Variants in SLC9A2 observed in about 807,000 individuals in gnomAD.
SLC9A2 encodes sodium/hydrogen exchanger 2.
A neutral mutation model predicts 71.7 loss-of-function variants in SLC9A2; 42 were observed. That is an observed-to-expected ratio of 0.59 (90% CI 0.46 to 0.76). The LOEUF is 0.76. Ranked by LOEUF, SLC9A2 falls within the 30% of genes least tolerant of loss-of-function variation. The pLI is 0.00. For synonymous variants in SLC9A2, 396 were observed against 392.5 expected, an observed-to-expected ratio of 1.01 and a Z score of -0.10; for missense variants, 829 against 1,017.4, an observed-to-expected ratio of 0.81 and a Z score of 2.52.
intron 6 of SLC9A2, 144 bp from the exon 7 acceptor site, chr2:102,694,899 G>C: frequency 1.5e-6 from 1 of 673,698 alleles, no homozygotes; most frequent in Non-Finnish European, 2.6e-6. Flanking sequence ...AAAATGAACT[G>C]TTTTATTGCT....
At chr2:102,644,821 C>G (rs1356482790) in intron 1 of SLC9A2, among the ~76,000 whole-genome samples, 1 of 152,178 alleles carries the variant, frequency 6.6e-6, no homozygotes, top group East Asian at 1.9e-4. Context: ...AGATAAAACT[C>G]CCAACTCCCT....
At chr2:102,620,241 C>G in intron 1 of SLC9A2, 104 bp downstream of exon 1, 3 of 985,088 alleles carry the variant, frequency 3.0e-6, no homozygotes, top group Non-Finnish European at 4.4e-6. Flanking sequence ...ACCGCCTCAT[C>G]TTGAATCAGG....
At chr2:102,666,062 G>A (rs1677131703) in intron 3 of SLC9A2, among the ~76,000 whole-genome samples, 1 of 152,084 alleles carries the variant, frequency 6.6e-6, no homozygotes, top group South Asian at 2.1e-4. Flanking sequence ...TTCTGGAATG[G>A]CTTATGGATA....
intron 2 of SLC9A2, 59 bp downstream of exon 2, chr2:102,658,086 T>A: frequency 2.3e-6 from 3 of 1,316,904 alleles, no homozygotes; most frequent in Non-Finnish European, 3.2e-6. Flanking sequence ...CCACCTGCAG[T>A]GGCTCTCTGC....
At chr2:102,675,505 G>T (rs1313591750) in intron 3 of SLC9A2, among the ~76,000 whole-genome samples, 1 of 152,192 alleles carries the variant, frequency 6.6e-6, no homozygotes, top group Non-Finnish European at 1.5e-5. Flanking sequence ...GGTGAAAGCT[G>T]TAGGTCACGG....
chr2:102,644,058 G>A (rs972582968), intron 1 of SLC9A2, among the ~76,000 whole-genome samples: 15 of 152,008 alleles, frequency 9.9e-5, no homozygotes, highest in Non-Finnish European at 1.9e-4. Flanking sequence ...TGTTGAAGAT[G>A]GCCAAATAGG....
chr2:102,683,442 T>C lies in SLC9A2; in HGVS notation c.1186T>C (p.Phe396Leu), dbSNP rs1169207710. The change falls in exon 4 of 12, where the codon TTC (phenylalanine) becomes CTC (leucine). Residue 396 changes from phenylalanine (F) to leucine (L), a missense_variant. This residue lies in a region of SLC9A2 where 500 missense variants were observed against 726.3 expected (regional missense o/e 0.69). Coordinates refer to ENST00000233969, the MANE Select transcript of SLC9A2 (RefSeq NM_003048.6). ...NHEWNWAFVC[F>L]TLAFCLMWRA... ...CGAGTGGAACTGGGCCTTCGTCTGC[T>C]TCACCCTGGCCTTCTGCCTCATGTG... is the stretch of plus-strand genomic sequence containing the variant. The C allele has an allele frequency of 1.2e-6, 2 of 1,614,234 alleles. No individual in the cohort carries two copies. Among genetic ancestry groups the C allele is most frequent in the East Asian group, 4.5e-5 (2 of 44,874 alleles).
At chr2:102,678,687 G>T (rs771604033) in intron 3 of SLC9A2, among the ~76,000 whole-genome samples, 1 of 152,138 alleles carries the variant, frequency 6.6e-6, no homozygotes, top group Non-Finnish European at 1.5e-5. Flanking sequence ...GACTCTCCTG[G>T]CCATATACTT....
chr2:102,700,509 T>G (rs1445743218), intron 7 of SLC9A2, among the ~76,000 whole-genome samples: 1 of 152,096 alleles, frequency 6.6e-6, no homozygotes, highest in African/African-American at 2.4e-5. Flanking sequence ...TTTACACAAG[T>G]GAGGGCAGGA....
At chr2:102,668,257 C>T (rs1284580321) in intron 3 of SLC9A2, among the ~76,000 whole-genome samples, 1 of 152,114 alleles carries the variant, frequency 6.6e-6, no homozygotes, top group Non-Finnish European at 1.5e-5. Flanking sequence ...TATGTTTGTT[C>T]TCAGAAGTTA....
At chr2:102,675,698 A>C (rs79141376) in intron 3 of SLC9A2, among the ~76,000 whole-genome samples, 1,930 of 152,290 alleles carry the variant, frequency 0.013, 39 homozygotes, top group African/African-American at 0.044. Flanking sequence ...ACCTAGATCC[A>C]AGTCATAAAA....
intron 2 of SLC9A2, among the ~76,000 whole-genome samples, chr2:102,660,821 G>A (rs1285188911): frequency 6.6e-6 from 1 of 152,034 alleles, no homozygotes; most frequent in Non-Finnish European, 1.5e-5. Flanking sequence ...TGATGCATAC[G>A]GCAAAAACGA....
intron 1 of SLC9A2, among the ~76,000 whole-genome samples, chr2:102,647,195 C>A (rs1676744298): frequency 6.6e-6 from 1 of 152,212 alleles, no homozygotes; most frequent in Admixed American, 6.5e-5. Context: ...AACTGAACAA[C>A]TTGCTCCCAA....
Position 102,701,935 on chromosome 2 carries a change from G to A in SLC9A2, c.1749-471G>A, listed in dbSNP as rs115759094. ...AAATCAATATTAGCAAGTAGGTGAG[G>A]TGAGTTCATGATTATGGAACCCACA... On this transcript the variant is annotated intron_variant, in intron 8 of 11. Transcript: ENST00000233969. Among the ~76,000 whole-genome samples, 1,181 of 152,228 alleles carry A rather than the reference G, an allele frequency of 7.8e-3. 10 individuals carry two copies. Among genetic ancestry groups the A allele is most frequent in the African/African-American group, 0.026 (1,082 of 41,530 alleles).
Position 102,682,107 on chromosome 2 carries a change from C to CA in SLC9A2, c.1005-1153dup, listed in dbSNP as rs369412745. On this transcript the variant is annotated intron_variant, in intron 3 of 11. Coordinates refer to ENST00000233969, the MANE Select transcript of SLC9A2 (RefSeq NM_003048.6). ...ATCATGACCAGTATTCAGCTTATGG[C>CA]ATGGTTACCACTGAGTGGAAGGCAG... Among the ~76,000 whole-genome samples the CA allele has an allele frequency of 2.0e-5, 3 of 152,276 alleles. No individual in the cohort carries two copies. The East Asian group carries it at 5.8e-4, about 29-fold the overall frequency.
In SLC9A2 at chr2:102,702,359, C is replaced by A. The variant is rs780528465; in HGVS notation, c.1749-47C>A. 4.9e-6 allele frequency: 5 copies of A among 1,030,638 alleles called. No homozygotes were observed. In the Admixed American group the frequency reaches 8.6e-5, roughly 18 times the overall value. 63.8% of individuals were successfully genotyped at this position (1,030,638 alleles called of 1,614,324 possible). On this transcript the variant is annotated intron_variant, in intron 8 of 11. Coordinates refer to ENST00000233969, the MANE Select transcript of SLC9A2 (RefSeq NM_003048.6). ...TCTCTAAGGAAGAAAATCAATGATT[C>A]TAATATTTGTTGAAAGGTAAAATAT... is the stretch of plus-strand genomic sequence containing the variant.
chr2:102,641,082 C>T (rs1558704370), intron 1 of SLC9A2, among the ~76,000 whole-genome samples: 1 of 152,160 alleles, frequency 6.6e-6, no homozygotes. Flanking sequence ...TTACTACATA[C>T]TGTATGAGGT....
In SLC9A2 at chr2:102,701,083, G is replaced by A; in HGVS notation, c.1600G>A (p.Asp534Asn). ...CTTTATTTACAGGTTTAAGAAGTTT[G>A]ATGATAAATATCTGCGGAAGCTTTT... ...NFWRDKFKKF[D>N]DKYLRKLLIR... Residue 534 changes from aspartate to asparagine, a missense_variant, in exon 8 of 12, where the codon GAT (aspartate) becomes AAT (asparagine). Coordinates refer to ENST00000233969, the MANE Select transcript of SLC9A2 (RefSeq NM_003048.6). 1 of 1,600,028 alleles carries A rather than the reference G, an allele frequency of 6.2e-7. No individual in the cohort carries two copies. The highest frequency in any genetic ancestry group is 8.5e-7 in the Non-Finnish European group (1 of 1,174,070).
chr2:102,619,966 C>G lies in SLC9A2; in HGVS notation c.118C>G (p.Pro40Ala). The change falls in exon 1 of 12, where the codon CCG becomes GCG. Residue 40 changes from proline (P) to alanine (A), a missense_variant. Around this residue, in one of 3 missense-constraint regions of SLC9A2, gnomAD observed 106 missense variants for 93.5 expected, o/e 1.13. Coordinates refer to ENST00000233969, the MANE Select transcript of SLC9A2 (RefSeq NM_003048.6). This position sits in a 1 kb window ranked among gnomAD's most constrained non-coding sequence, Gnocchi z 4.3. Reference protein sequence around the residue: ...GALAETLLNAPRAMGTSSSPP... With the variant: ...GALAETLLNAARAMGTSSSPP... Reference sequence around the variant, plus strand: ...CCTGGCGGAGACCTTGCTGAACGCGCCGAGGGCCATGGGCACCAGTTCCAG... The same window carrying G: ...CCTGGCGGAGACCTTGCTGAACGCGGCGAGGGCCATGGGCACCAGTTCCAG... 1.2e-6 allele frequency: 2 copies of G among 1,613,052 alleles called. No homozygotes were observed. Among genetic ancestry groups the G allele is most frequent in the African/African-American group, 1.3e-5 (1 of 75,056 alleles).
Sources: allele counts gnomAD v4.1 joint callset (sites outside exome capture counted in the v4.1 genomes callset), GRCh38; gene constraint gnomAD v4.1.1; regional missense constraint gnomAD v4.1.1; non-coding constraint Gnocchi (gnomAD v3.1); transcripts MANE v1.5; gene names NCBI Gene and HGNC (gene_info 2026-07-23, HGNC 2026-07-21).